The following ZNF385D variants were observed in gnomAD, a reference collection of about 807,000 sequenced individuals.
The protein encoded by ZNF385D is zinc finger protein 659.
In ZNF385D, 15 loss-of-function variants were observed where a neutral mutation model predicts 35.8. That is an observed-to-expected ratio of 0.42 (90% confidence interval 0.28 to 0.64). The LOEUF is 0.64. ZNF385D is among the 30% of genes least tolerant of loss of function. ZNF385D has a pLI of 0.23. For synonymous variants in ZNF385D, 212 were observed against 186.8 expected, an observed-to-expected ratio of 1.13 and a Z score of -1.10; for missense variants, 474 against 494.6, an observed-to-expected ratio of 0.96 and a Z score of 0.39.
intron 2 of ZNF385D, among the ~76,000 whole-genome samples, chr3:22,231,841 G>C (rs1698910217): frequency 1.3e-5 from 2 of 151,956 alleles, no homozygotes; most frequent in Non-Finnish European, 2.9e-5. Flanking sequence ...TTTTTGAATG[G>C]TTTAGCATCA....
intron 3 of ZNF385D, among the ~76,000 whole-genome samples, chr3:21,980,178 C>G (rs1251566278): frequency 6.6e-6 from 1 of 152,146 alleles, no homozygotes; most frequent in Non-Finnish European, 1.5e-5. Context: ...CAACAACCAA[C>G]AGTAACTTTC....
chr3:21,848,874 T>G (rs1372532619), intron 3 of ZNF385D, among the ~76,000 whole-genome samples: 10 of 152,066 alleles, frequency 6.6e-5, no homozygotes, highest in Non-Finnish European at 4.4e-5. Context: ...AGACATCACA[T>G]GTATTTGTTG....
chr3:21,631,620 C>T (rs949320719), intron 2 of ZNF385D, among the ~76,000 whole-genome samples: 3 of 152,098 alleles, frequency 2.0e-5, no homozygotes, highest in African/African-American at 4.8e-5. Context: ...CAAATACCCA[C>T]GGTGACTTGG....
intron 3 of ZNF385D, among the ~76,000 whole-genome samples, chr3:22,087,991 T>C (rs1346505449): frequency 6.6e-6 from 1 of 152,198 alleles, no homozygotes; most frequent in African/African-American, 2.4e-5. Context: ...TACAGAAATG[T>C]ACAGAGAAAG....
At chr3:22,077,695 CT>C (rs1559351112) in intron 3 of ZNF385D, among the ~76,000 whole-genome samples, 2 of 151,998 alleles carry the variant, frequency 1.3e-5, no homozygotes, top group African/African-American at 4.8e-5. Flanking sequence ...TACAGAGATG[CT>C]TCTCGGCAGA....
chr3:21,788,385 T>C (rs1434309544), intron 3 of ZNF385D, among the ~76,000 whole-genome samples: 1 of 151,754 alleles, frequency 6.6e-6, no homozygotes, highest in Non-Finnish European at 1.5e-5. Context: ...GGCTGAGGCA[T>C]GAGAATCGTT....
chr3:21,723,957 A>C (rs557510798), intron 1 of ZNF385D, among the ~76,000 whole-genome samples: 2 of 152,330 alleles, frequency 1.3e-5, no homozygotes, highest in East Asian at 3.9e-4. Context: ...ATCTCTCTGC[A>C]GGAACCCTAC....
At chr3:21,833,567 C>A (rs980816183) in intron 3 of ZNF385D, among the ~76,000 whole-genome samples, 1 of 152,108 alleles carries the variant, frequency 6.6e-6, no homozygotes, top group Non-Finnish European at 1.5e-5. Context: ...TGTGGCCCTG[C>A]CACCGCTTGA....
chr3:21,986,291 T>C (rs1694799561), intron 3 of ZNF385D, among the ~76,000 whole-genome samples: 1 of 80,488 alleles, frequency 1.2e-5, no homozygotes, highest in South Asian at 4.8e-4. Flanking sequence ...TCCTGCTTTC[T>C]CTTGTGGGCA....
At chr3:21,789,369 G>T (rs1282946567) in intron 3 of ZNF385D, among the ~76,000 whole-genome samples, 3 of 152,150 alleles carry the variant, frequency 2.0e-5, no homozygotes, top group Non-Finnish European at 4.4e-5. Flanking sequence ...ATTCAAAGTG[G>T]CAGCTTCCAC....
intron 4 of ZNF385D, among the ~76,000 whole-genome samples, chr3:21,480,701 C>T (rs564097167): frequency 3.3e-5 from 5 of 152,272 alleles, no homozygotes; most frequent in African/African-American, 1.2e-4. Context: ...ATTCGATATT[C>T]ACTTGTTCTA....
intron 3 of ZNF385D, among the ~76,000 whole-genome samples, chr3:21,538,169 GT>G (rs2062083461): frequency 6.6e-6 from 1 of 152,028 alleles, no homozygotes; most frequent in Non-Finnish European, 1.5e-5. Context: ...GCGGCCTTTG[GT>G]TTTGGAAGTT....
chr3:21,885,070 A>C (rs1305993314), intron 3 of ZNF385D, among the ~76,000 whole-genome samples: 5 of 152,202 alleles, frequency 3.3e-5, no homozygotes, highest in South Asian at 2.1e-4. Flanking sequence ...CTGGCTGTTT[A>C]AAGAAAAACT....
At chr3:21,628,940 C>A (rs1371962983) in intron 2 of ZNF385D, among the ~76,000 whole-genome samples, 1 of 152,014 alleles carries the variant, frequency 6.6e-6, no homozygotes, top group African/African-American at 2.4e-5. Context: ...CTCCATGTAC[C>A]TTTTCACTTA....
At chr3:21,458,285 C>T (rs1054346681) in intron 4 of ZNF385D, among the ~76,000 whole-genome samples, 2 of 145,106 alleles carry the variant, frequency 1.4e-5, no homozygotes, top group African/African-American at 5.2e-5. Flanking sequence ...CCAGCCTGAG[C>T]AACATAGTGA....
chr3:22,275,140 A>T (rs534466841), intron 2 of ZNF385D, among the ~76,000 whole-genome samples: 47 of 152,234 alleles, frequency 3.1e-4, no homozygotes, highest in Admixed American at 1.6e-3. Context: ...TGTTAGGAAG[A>T]GCCTACTTTC....
intron 3 of ZNF385D, chr3:21,958,834 CCATCTA>C (rs1702427691): frequency 6.6e-6 from 1 of 152,056 alleles, no homozygotes; most frequent in South Asian, 2.1e-4. Context: ...CTTAACAGAT[CCATCTA>C]CAAGTATATT....
chr3:21,780,536 T>C (rs1176355670), intron 3 of ZNF385D, among the ~76,000 whole-genome samples: 2 of 152,106 alleles, frequency 1.3e-5, no homozygotes, highest in Non-Finnish European at 2.9e-5. Context: ...TTTTCTTTCT[T>C]AATTTTCAGA....
chr3:21,421,379 T>C lies in ZNF385D; in HGVS notation c.1023A>G (p.Ala341=). ...LAPRILPNPL[A]AAAAAAAVAV... ...CCACTGCTGCTGCGGCTGCTGCAGC[T>C]GCTAGAGGATTTGGTAGAATTCGTG... Residue 341 remains alanine, a synonymous_variant, in exon 8 of 8, where the codon GCA becomes GCG. Coordinates refer to ENST00000281523, the MANE Select transcript of ZNF385D (RefSeq NM_024697.3). 1 of 1,613,672 alleles carries C rather than the reference T, an allele frequency of 6.2e-7. No homozygotes were observed. Among genetic ancestry groups the C allele is most frequent in the Non-Finnish European group, 8.5e-7 (1 of 1,179,790 alleles).
Sources: allele counts gnomAD v4.1 joint callset (sites outside exome capture counted in the v4.1 genomes callset), GRCh38; gene constraint gnomAD v4.1.1; transcripts MANE v1.5; gene names NCBI Gene and HGNC (gene_info 2026-07-23, HGNC 2026-07-21).